EML4: variants seen among roughly 807,000 people sequenced by gnomAD.
The protein encoded by EML4 is echinoderm microtubule-associated protein-like 4.
Under a neutral mutation model 129.0 loss-of-function variants are expected in EML4, and 72 were observed. That is an observed-to-expected ratio of 0.56 (90% CI 0.46 to 0.68). The LOEUF is 0.68. EML4 is among the 30% of genes least tolerant of loss of function. The pLI, the probability that EML4 is intolerant of heterozygous loss-of-function variation, is 0.00. For synonymous variants in EML4, 532 were observed against 405.0 expected, an observed-to-expected ratio of 1.31 and a Z score of -3.77; for missense variants, 1,363 against 1,190.6, an observed-to-expected ratio of 1.14 and a Z score of -2.13.
chr2:42,325,412 T>A (rs1216059650), intron 19 of EML4, 55 bp from the exon 20 acceptor site: 1 of 812,068 alleles, frequency 1.2e-6, no homozygotes, highest in Non-Finnish European at 2.1e-6. Context: ...GCTGTTGAAC[T>A]GTTTATCATT....
At chr2:42,255,393 A>G (rs1049478202) in intron 2 of EML4, among the ~76,000 whole-genome samples, 9 of 152,186 alleles carry the variant, frequency 5.9e-5, no homozygotes, top group Middle Eastern at 6.8e-3. Flanking sequence ...CAATGGATAC[A>G]TGGTTTCTAT....
chr2:42,245,139 G>T (rs1675315060), intron 1 of EML4, among the ~76,000 whole-genome samples: 1 of 80,318 alleles, frequency 1.2e-5, no homozygotes, highest in South Asian at 4.8e-4. Context: ...CTGTTGCCCA[G>T]ACTAGAGTGC....
intron 1 of EML4, among the ~76,000 whole-genome samples, chr2:42,175,736 T>G (rs1032263552): frequency 6.6e-6 from 1 of 152,268 alleles, no homozygotes; most frequent in South Asian, 2.1e-4. Context: ...TGTCCTCAAG[T>G]GATCCATCCA....
intron 1 of EML4, among the ~76,000 whole-genome samples, chr2:42,178,781 A>G (rs181487155): frequency 2.6e-5 from 4 of 152,300 alleles, no homozygotes; most frequent in Admixed American, 2.6e-4. Flanking sequence ...TGATTGGTAC[A>G]CTCAAACCAT....
intron 1 of EML4, among the ~76,000 whole-genome samples, chr2:42,220,315 C>T (rs1673503707): frequency 6.6e-6 from 1 of 150,954 alleles, no homozygotes; most frequent in African/African-American, 2.4e-5. Flanking sequence ...CCCGTTTTTC[C>T]AACAGCATGT....
chr2:42,197,252 T>C (rs1671946105), intron 1 of EML4, among the ~76,000 whole-genome samples: 4 of 152,052 alleles, frequency 2.6e-5, no homozygotes, highest in Admixed American at 6.5e-5. Context: ...TTTGTAGAGA[T>C]GGGGTTTTGC....
Position 42,169,793 on chromosome 2 carries a change from G to C in EML4, c.25+157G>C, listed in dbSNP as rs994721932. On this transcript the variant is annotated intron_variant, in intron 1 of 22. Transcript: ENST00000318522. ...AGGCTGCCGCCCCTCCGCGGACTCC[G>C]GTGGACTGAGGGCCCCTCCCCCATG... The C allele has an allele frequency of 9.8e-5, 69 of 704,274 alleles. No homozygotes were observed. In the East Asian group the frequency reaches 2.2e-3, roughly 23 times the overall value. The allele number at this position is 704,274 out of a possible 1,614,324, so 43.6% of individuals were successfully genotyped here.
At chr2:42,223,330 C>G (rs958438974) in intron 1 of EML4, among the ~76,000 whole-genome samples, 3 of 152,116 alleles carry the variant, frequency 2.0e-5, no homozygotes, top group African/African-American at 7.2e-5. Context: ...CTACAAATGT[C>G]CTAACTTCCT....
At chr2:42,298,774 A>G (rs1280284626) in intron 13 of EML4, among the ~76,000 whole-genome samples, 1 of 152,146 alleles carries the variant, frequency 6.6e-6, no homozygotes, top group Non-Finnish European at 1.5e-5. Flanking sequence ...AGAAATACGG[A>G]AAGCAGACTT....
rs749537444 is a variant in EML4, at chr2:42,256,502, C to G, written c.210C>G (p.Gly70=). The G allele has an allele frequency of 2.5e-6, 4 of 1,589,818 alleles. No homozygotes were observed. In the South Asian group the frequency reaches 4.6e-5, roughly 18 times the overall value. Reference sequence around the variant, plus strand: ...ATTTTTTTCCTTAATTATCTTTAGGCCAACCAAGCCCTCGAGCAGTTATTC... The same window carrying G: ...ATTTTTTTCCTTAATTATCTTTAGGGCAACCAAGCCCTCGAGCAGTTATTC... ...ASVKKSVSSK[G]QPSPRAVIPM... The change falls in exon 3 of 23, where the codon GGC becomes GGG. Residue 70 remains glycine (G), a splice_region_variant and synonymous_variant. Transcript: ENST00000318522.
At chr2:42,283,321 T>C (rs940422377) in intron 8 of EML4, among the ~76,000 whole-genome samples, 16 of 152,196 alleles carry the variant, frequency 1.1e-4, no homozygotes, top group Non-Finnish European at 2.1e-4. Flanking sequence ...ACTCGATATT[T>C]ATTGAGGATT....
At chr2:42,280,751 C>T (rs1666958268) in intron 6 of EML4, 99 bp from the exon 7 acceptor site, 2 of 873,394 alleles carry the variant, frequency 2.3e-6, no homozygotes, top group Non-Finnish European at 3.4e-6. Context: ...TTGAAGTAGT[C>T]ATTTTTGTCT....
Position 42,306,094 on chromosome 2 carries a change from G to C in EML4, c.1967+1543G>C, listed in dbSNP as rs541269745. 4.6e-5 allele frequency among the ~76,000 whole-genome samples: 7 copies of C among 152,328 alleles called. No individual in the cohort carries two copies. In the South Asian group the frequency reaches 1.4e-3, roughly 32 times the overall value. Reference sequence around the variant, plus strand: ...GAATTTTTAGAATTAGGCTGCTTGAGAGAGCATTTGGTGATACTTTGCAAA... The same window carrying C: ...GAATTTTTAGAATTAGGCTGCTTGACAGAGCATTTGGTGATACTTTGCAAA... On this transcript the variant is annotated intron_variant, in intron 17 of 22. Coordinates refer to ENST00000318522, the MANE Select transcript of EML4 (RefSeq NM_019063.5).
intron 6 of EML4, among the ~76,000 whole-genome samples, chr2:42,279,753 C>A (rs575174958): frequency 6.6e-6 from 1 of 150,840 alleles, no homozygotes; most frequent in Non-Finnish European, 1.5e-5. Flanking sequence ...GAATTACAGG[C>A]GTGAGCCACC....
intron 3 of EML4, among the ~76,000 whole-genome samples, chr2:42,258,465 A>G (rs1010568358): frequency 3.3e-5 from 5 of 151,934 alleles, no homozygotes; most frequent in African/African-American, 1.2e-4. Context: ...CAATGGCGCA[A>G]TCTCGGCTCA....
intron 1 of EML4, among the ~76,000 whole-genome samples, chr2:42,206,447 C>G (rs1296862886): frequency 6.6e-6 from 1 of 152,148 alleles, no homozygotes; most frequent in Admixed American, 6.5e-5. Context: ...AACTCCTGGC[C>G]TCAAGAGTCC....
intron 19 of EML4, among the ~76,000 whole-genome samples, chr2:42,321,759 A>T (rs939373720): frequency 6.6e-6 from 1 of 152,222 alleles, no homozygotes; most frequent in Non-Finnish European, 1.5e-5. Context: ...CACTCTAGTC[A>T]CTAGGTAAAG....
At chr2:42,298,550 ATTTGT>A (rs1433351727) in intron 13 of EML4, among the ~76,000 whole-genome samples, 3 of 152,236 alleles carry the variant, frequency 2.0e-5, no homozygotes, top group African/African-American at 7.2e-5. Context: ...AACTTTGATA[ATTTGT>A]TTAAATTAGA....
chr2:42,308,274 G>T lies in EML4; in HGVS notation c.1967+3723G>T, dbSNP rs532354868. Among the ~76,000 whole-genome samples the T allele has an allele frequency of 4.6e-5, 7 of 152,298 alleles. No individual in the cohort carries two copies. In the South Asian group the frequency reaches 1.4e-3, roughly 32 times the overall value. On this transcript the variant is annotated intron_variant, in intron 17 of 22. Coordinates refer to ENST00000318522, the MANE Select transcript of EML4 (RefSeq NM_019063.5). ...TCCCATCACTTTGGGAGGAGGCCAA[G>T]GCAGGTGGATTGCTTGAGCCCAGGA...
Sources: gnomAD v4.1 joint callset for allele counts (sites outside exome capture counted in the v4.1 genomes callset) on GRCh38, gnomAD v4.1.1 for gene constraint, MANE v1.5 for transcripts, NCBI Gene and HGNC (gene_info 2026-07-23, HGNC 2026-07-21) for gene names.